STRBP: variants seen among roughly 807,000 people sequenced by gnomAD.
STRBP encodes the protein spermatid perinuclear RNA-binding protein.
In STRBP, 13 loss-of-function variants were observed where a neutral mutation model predicts 80.1. The ratio of observed to expected loss-of-function variants is 0.16; its 90% confidence interval spans 0.11 to 0.26. The LOEUF is 0.26. STRBP is among the 10% of genes least tolerant of loss of function. The pLI is 1.00. For synonymous variants in STRBP, 284 were observed against 291.2 expected, an observed-to-expected ratio of 0.98 and a Z score of 0.25; for missense variants, 485 against 815.2, an observed-to-expected ratio of 0.59 and a Z score of 4.93.
chr9:123,182,217 TAAAAAAAAAA>T (rs10546358), intron 3 of STRBP, among the ~76,000 whole-genome samples: 100 of 69,802 alleles, frequency 1.4e-3, no homozygotes, highest in African/African-American at 3.4e-3. Context: ...TCCGTTTCTT[TAAAAAAAAAA>T]AAAAAAAAAA....
chr9:123,111,853 G>A, intron 3 of STRBP: 1 of 239,710 alleles, frequency 4.2e-6, no homozygotes, highest in Non-Finnish European at 9.0e-6. Context: ...AGACCAGGCA[G>A]CAAAATCCGA....
At chr9:123,250,511 G>GT (rs1255005124) in intron 1 of STRBP, among the ~76,000 whole-genome samples, 1 of 151,816 alleles carries the variant, frequency 6.6e-6, no homozygotes, top group East Asian at 1.9e-4. Flanking sequence ...AGGGTCTATA[G>GT]TTAAAAAAAA....
chr9:123,111,492 G>T (rs745372844), intron 3 of STRBP: 77 of 362,734 alleles, frequency 2.1e-4, no homozygotes, highest in Admixed American at 3.9e-4. Context: ...GACCATCTTG[G>T]TTCCCTAAGC....
At chr9:123,235,870 A>G (rs2040547141) in intron 2 of STRBP, among the ~76,000 whole-genome samples, 1 of 152,162 alleles carries the variant, frequency 6.6e-6, no homozygotes, top group Non-Finnish European at 1.5e-5. Flanking sequence ...AAATAAGAAC[A>G]CCAGAATGAG....
chr9:123,162,720 A>T (rs1217791080), intron 6 of STRBP, among the ~76,000 whole-genome samples: 1 of 152,246 alleles, frequency 6.6e-6, no homozygotes, highest in Non-Finnish European at 1.5e-5. Context: ...CAAAATCAGA[A>T]TACAATGTTT....
chr9:123,239,211 T>A (rs1440575182), intron 1 of STRBP, among the ~76,000 whole-genome samples: 3 of 152,020 alleles, frequency 2.0e-5, no homozygotes, highest in Non-Finnish European at 4.4e-5. Flanking sequence ...CTGTCTCCAC[T>A]AAAAATACAA....
intron 11 of STRBP, among the ~76,000 whole-genome samples, chr9:123,157,018 G>A (rs1167427043): frequency 1.3e-5 from 2 of 152,068 alleles, no homozygotes; most frequent in Admixed American, 6.6e-5. Context: ...CATTTTAACC[G>A]GACAAGAGTC....
chr9:123,229,257 A>C (rs1489626642), intron 2 of STRBP, among the ~76,000 whole-genome samples: 2 of 152,214 alleles, frequency 1.3e-5, no homozygotes, highest in Non-Finnish European at 2.9e-5. Flanking sequence ...GAATTTAGAC[A>C]GTGGTAATGG....
intron 2 of STRBP, among the ~76,000 whole-genome samples, chr9:123,220,494 CTG>C (rs2040033103): frequency 6.6e-6 from 1 of 152,220 alleles, no homozygotes; most frequent in Non-Finnish European, 1.5e-5. Flanking sequence ...TACAAGCAGT[CTG>C]TCATTGAAAC....
intron 1 of STRBP, among the ~76,000 whole-genome samples, chr9:123,245,027 A>T (rs2132615721): frequency 6.6e-6 from 1 of 152,370 alleles, no homozygotes; most frequent in East Asian, 1.9e-4. Context: ...CAAAGGAATT[A>T]GCCTGAGTGA....
At chr9:123,132,566 A>G (rs2036181191) in intron 17 of STRBP, among the ~76,000 whole-genome samples, 1 of 152,068 alleles carries the variant, frequency 6.6e-6, no homozygotes, top group African/African-American at 2.4e-5. Context: ...ACCCTTCTCA[A>G]TCTATGGAAT....
intron 2 of STRBP, among the ~76,000 whole-genome samples, chr9:123,230,368 A>C (rs969747710): frequency 4.6e-5 from 7 of 152,212 alleles, no homozygotes; most frequent in Non-Finnish European, 7.3e-5. Flanking sequence ...AGCCTTCCCC[A>C]ACCCAAACAC....
At chr9:123,221,019 AT>A (rs1014360867) in intron 2 of STRBP, among the ~76,000 whole-genome samples, 10 of 152,072 alleles carry the variant, frequency 6.6e-5, no homozygotes, top group African/African-American at 2.4e-4. Context: ...GTTTATAGAG[AT>A]TTTTTTTAAG....
At chr9:123,133,777 G>A (rs1232325661) in intron 16 of STRBP, among the ~76,000 whole-genome samples, 1 of 152,048 alleles carries the variant, frequency 6.6e-6, no homozygotes, top group African/African-American at 2.4e-5. Flanking sequence ...GACCTCAAGT[G>A]ATCTGCCCAC....
intron 1 of STRBP, among the ~76,000 whole-genome samples, chr9:123,252,918 T>C (rs1398656778): frequency 1.3e-5 from 2 of 152,170 alleles, no homozygotes; most frequent in Non-Finnish European, 1.5e-5. Flanking sequence ...GGTGACTTAC[T>C]AGGGGCTTTC....
At chr9:123,139,438 C>A in intron 14 of STRBP, 91 bp downstream of exon 14, 2 of 1,087,914 alleles carry the variant, frequency 1.8e-6, no homozygotes, top group Non-Finnish European at 2.5e-6. Flanking sequence ...TTTGCATATG[C>A]TTTTGATTTT....
intron 14 of STRBP, among the ~76,000 whole-genome samples, chr9:123,137,566 C>T (rs998800040): frequency 1.3e-5 from 2 of 152,096 alleles, no homozygotes; most frequent in African/African-American, 4.8e-5. Context: ...TGCCACCACA[C>T]CCGGCTAATT....
intron 11 of STRBP, among the ~76,000 whole-genome samples, chr9:123,149,552 T>C (rs2036967349): frequency 1.3e-5 from 2 of 152,108 alleles, no homozygotes; most frequent in Non-Finnish European, 2.9e-5. Flanking sequence ...ATAGCAGCCA[T>C]TGGAAAGGGG....
chr9:123,198,690 T>G lies in STRBP; in HGVS notation c.-164-14392A>C, dbSNP rs756707215. On this transcript the variant is annotated intron_variant, in intron 2 of 18. Transcript: ENST00000348403. ...TTGCCTAGGCCAATGTCTAGAAGAA[T>G]TTTTCCAACATTACCTTCTAGAATT... Among the ~76,000 whole-genome samples, 60 of 152,328 alleles carry G rather than the reference T, an allele frequency of 3.9e-4. 1 individual carries two copies. Among genetic ancestry groups the G allele is most frequent in the Non-Finnish European group, 4.0e-4 (27 of 68,030 alleles).
Sources: gnomAD v4.1 joint callset for allele counts (sites outside exome capture counted in the v4.1 genomes callset) on GRCh38, gnomAD v4.1.1 for gene constraint, MANE v1.5 for transcripts, NCBI Gene and HGNC (gene_info 2026-07-23, HGNC 2026-07-21) for gene names.